XKR6: variants seen among roughly 807,000 people sequenced by gnomAD.
The protein encoded by XKR6 is XK related 6, also known as XK-related protein 6.
A neutral mutation model predicts 56.7 loss-of-function variants in XKR6; 22 were observed. The ratio of observed to expected loss-of-function variants is 0.39; its 90% confidence interval spans 0.28 to 0.55. The LOEUF is 0.55. XKR6 is among the 20% of genes least tolerant of loss of function. The pLI, the probability that XKR6 is intolerant of heterozygous loss-of-function variation, is 0.66. For missense variants in XKR6, 852 were observed against 889.0 expected (o/e 0.96, Z 0.53); for synonymous variants, 524 against 387.8 (o/e 1.35, Z -4.13).
chr8:10,999,196 A>G (rs988873798), intron 1 of XKR6, among the ~76,000 whole-genome samples: 4 of 152,230 alleles, frequency 2.6e-5, no homozygotes, highest in African/African-American at 7.2e-5. Flanking sequence ...GAAGGGCTCA[A>G]TCGTGGGATT....
chr8:11,013,688 G>A (rs1003393482), intron 1 of XKR6, among the ~76,000 whole-genome samples: 1 of 152,224 alleles, frequency 6.6e-6, no homozygotes, highest in African/African-American at 2.4e-5. Flanking sequence ...TAGCGGGGAT[G>A]GGAGGGCCTC....
At chr8:10,915,614 C>T (rs1313455402) in intron 2 of XKR6, among the ~76,000 whole-genome samples, 6 of 152,128 alleles carry the variant, frequency 3.9e-5, no homozygotes, top group African/African-American at 7.2e-5. Context: ...CAGAGTGGTG[C>T]AGTGCGAGCG....
chr8:11,159,661 T>C (rs1034239999), intron 1 of XKR6, among the ~76,000 whole-genome samples: 4 of 152,222 alleles, frequency 2.6e-5, no homozygotes, highest in African/African-American at 9.6e-5. Flanking sequence ...TGTGTTTTGA[T>C]AAGTCCTCCA....
At chr8:11,044,519 T>A (rs1364808238) in intron 1 of XKR6, among the ~76,000 whole-genome samples, 3 of 150,872 alleles carry the variant, frequency 2.0e-5, no homozygotes, top group African/African-American at 7.3e-5. Flanking sequence ...CCTGGGGCCC[T>A]TCCATCGCCA....
At chr8:11,054,557 A>G (rs1799633393) in intron 1 of XKR6, among the ~76,000 whole-genome samples, 1 of 152,202 alleles carries the variant, frequency 6.6e-6, no homozygotes. Flanking sequence ...TGGCAATGTT[A>G]TAAGCACACA....
chr8:11,180,172 A>G (rs142349481), intron 1 of XKR6, among the ~76,000 whole-genome samples: 6 of 152,236 alleles, frequency 3.9e-5, no homozygotes, highest in Non-Finnish European at 8.8e-5. Flanking sequence ...AATAAAAGGT[A>G]TTAAGTAACA....
At chr8:10,932,291 G>C (rs972721996) in intron 1 of XKR6, among the ~76,000 whole-genome samples, 6 of 152,168 alleles carry the variant, frequency 3.9e-5, no homozygotes, top group Non-Finnish European at 5.9e-5. Context: ...CTGGAAAACA[G>C]TGGACAGTCT....
chr8:11,141,799 G>A (rs749315622), intron 1 of XKR6, among the ~76,000 whole-genome samples: 2 of 152,160 alleles, frequency 1.3e-5, no homozygotes, highest in African/African-American at 4.8e-5. Flanking sequence ...AGAGGGAAAA[G>A]GTCCTGGAGC....
intron 1 of XKR6, among the ~76,000 whole-genome samples, chr8:11,199,902 G>T (rs908041287): frequency 1.3e-5 from 2 of 151,886 alleles, no homozygotes; most frequent in African/African-American, 4.8e-5. Flanking sequence ...AACACCAAAC[G>T]CTCGCGCCCA....
chr8:10,971,102 C>A (rs925742104), intron 1 of XKR6, among the ~76,000 whole-genome samples: 1 of 151,234 alleles, frequency 6.6e-6, no homozygotes, highest in Non-Finnish European at 1.5e-5. Flanking sequence ...GTATTCTTTT[C>A]AGTTTCCTGT....
At chr8:11,195,188 T>G (rs759563692) in intron 1 of XKR6, 12 of 703,182 alleles carry the variant, frequency 1.7e-5, no homozygotes, top group Middle Eastern at 2.3e-4. Context: ...ATCTGCTCCT[T>G]CTTTTCCTTG....
intron 1 of XKR6, among the ~76,000 whole-genome samples, chr8:10,970,725 C>G (rs1321480487): frequency 6.6e-6 from 1 of 150,724 alleles, no homozygotes; most frequent in Non-Finnish European, 1.5e-5. Flanking sequence ...ATTATTTTAA[C>G]TAGAGAACTA....
At chr8:11,090,693 C>T (rs1296351938) in intron 1 of XKR6, among the ~76,000 whole-genome samples, 1 of 152,098 alleles carries the variant, frequency 6.6e-6, no homozygotes, top group Non-Finnish European at 1.5e-5. Context: ...TCAGAAAGTG[C>T]CTGTTCATAT....
chr8:11,140,639 T>C (rs549358594), intron 1 of XKR6, among the ~76,000 whole-genome samples: 102 of 152,264 alleles, frequency 6.7e-4, no homozygotes, highest in African/African-American at 2.4e-3. Flanking sequence ...GGCTCACACC[T>C]GTAATCCCAG....
At chr8:11,182,783 TAA>T (rs1273405162) in intron 1 of XKR6, among the ~76,000 whole-genome samples, 1 of 152,230 alleles carries the variant, frequency 6.6e-6, no homozygotes, top group African/African-American at 2.4e-5. Flanking sequence ...TCAGTGGCAT[TAA>T]ATACATTCAC....
chr8:11,012,328 T>C (rs955224045), intron 1 of XKR6, among the ~76,000 whole-genome samples: 3 of 152,252 alleles, frequency 2.0e-5, no homozygotes, highest in African/African-American at 7.2e-5. Flanking sequence ...CTAACCTTTC[T>C]GGCTCTCCAT....
intron 1 of XKR6, among the ~76,000 whole-genome samples, chr8:10,952,222 C>T (rs148096929): frequency 1.2e-4 from 18 of 152,130 alleles, no homozygotes; most frequent in Middle Eastern, 3.4e-3. Context: ...CAGGCCTCCC[C>T]GTGACGTTCC....
chr8:11,060,777 C>A (rs527630555), intron 1 of XKR6, among the ~76,000 whole-genome samples: 1 of 152,216 alleles, frequency 6.6e-6, no homozygotes, highest in African/African-American at 2.4e-5. Flanking sequence ...TTACATCCTG[C>A]CCTGCACTGG....
intron 1 of XKR6, among the ~76,000 whole-genome samples, chr8:11,058,874 A>G (rs1799754413): frequency 6.6e-6 from 1 of 152,272 alleles, no homozygotes; most frequent in Non-Finnish European, 1.5e-5. Context: ...AAAGGAATGT[A>G]TAGTCACTGT....
Sources: gnomAD v4.1 joint callset for allele counts (sites outside exome capture counted in the v4.1 genomes callset) on GRCh38, gnomAD v4.1.1 for gene constraint, MANE v1.5 for transcripts, NCBI Gene and HGNC (gene_info 2026-07-23, HGNC 2026-07-21) for gene names.